DOCK5: variants seen among roughly 807,000 people sequenced by gnomAD.
The protein encoded by DOCK5 is dedicator of cytokinesis protein 5.
Under a neutral mutation model 251.8 loss-of-function variants are expected in DOCK5, and 142 were observed. The observed-to-expected ratio is 0.56, with a 90% CI of 0.49 to 0.65. DOCK5 has a LOEUF of 0.65. DOCK5 is among the 30% of genes least tolerant of loss of function. DOCK5 has a pLI of 0.00. For missense variants in DOCK5, 2,111 were observed against 2,312.3 expected (o/e 0.91, Z 1.79); for synonymous variants, 842 against 835.5 (o/e 1.01, Z -0.13).
At chr8:25,378,367 C>A (rs1801000895) in intron 38 of DOCK5, among the ~76,000 whole-genome samples, 1 of 152,200 alleles carries the variant, frequency 6.6e-6, no homozygotes, top group African/African-American at 2.4e-5. Context: ...TAATATACAA[C>A]AATAACTCAC....
chr8:25,366,768 A>G, intron 30 of DOCK5, 102 bp from the exon 31 acceptor site: 6 of 779,972 alleles, frequency 7.7e-6, no homozygotes, highest in Non-Finnish European at 1.2e-5. Context: ...TTCTTTCATT[A>G]ATCTCTTGTT....
At chr8:25,188,945 G>A (rs986721960) in intron 1 of DOCK5, among the ~76,000 whole-genome samples, 1 of 151,238 alleles carries the variant, frequency 6.6e-6, no homozygotes, top group Non-Finnish European at 1.5e-5. Flanking sequence ...TTATTTTTAA[G>A]TTTGCTTCCA....
At chr8:25,323,801 C>T in intron 16 of DOCK5, 47 bp from the exon 17 acceptor site, 1 of 1,586,544 alleles carries the variant, frequency 6.3e-7, no homozygotes, top group South Asian at 1.1e-5. Context: ...GCCATCGCCT[C>T]CTGGTGTCTC....
rs1801392023 is a variant in DOCK5, at chr8:25,184,934, G to A, written c.26G>A (p.Arg9Lys). The change falls in exon 1 of 52, where the codon AGG becomes AAG. Residue 9 changes from arginine to lysine, a missense_variant. Arg to Lys is a conservative substitution (Grantham distance 26). This residue lies in a region of DOCK5 where 335 missense variants were observed against 324.9 expected (regional missense o/e 1.03). Coordinates refer to ENST00000276440, the MANE Select transcript of DOCK5 (RefSeq NM_024940.8). MARWIPTK[R>K]QKYGVAIYNY... ...ATGGCCCGCTGGATCCCGACCAAGA[G>A]GCAGAAGTACGGGGTTGGTGAGTGC... is the stretch of plus-strand genomic sequence containing the variant. 2 of 1,444,560 alleles carry A rather than the reference G, an allele frequency of 1.4e-6. No individual in the cohort carries two copies. Among genetic ancestry groups the A allele is most frequent in the Non-Finnish European group, 1.8e-6 (2 of 1,089,516 alleles). The allele number at this position is 1,444,560 out of a possible 1,614,324, so 89.5% of individuals were successfully genotyped here.
intron 1 of DOCK5, among the ~76,000 whole-genome samples, chr8:25,221,500 G>A (rs1802388731): frequency 2.0e-5 from 3 of 152,054 alleles, no homozygotes; most frequent in African/African-American, 7.2e-5. Flanking sequence ...GTAGAGAAGG[G>A]GTTTCGCCAA....
intron 50 of DOCK5, 134 bp downstream of exon 50, chr8:25,409,074 T>C: frequency 7.6e-7 from 1 of 1,323,134 alleles, no homozygotes. Flanking sequence ...CGTGTTCGTG[T>C]ATTATACAGT....
At chr8:25,341,714 T>G (rs1270537410) in intron 23 of DOCK5, 25 bp from the exon 24 acceptor site, 2 of 1,557,516 alleles carry the variant, frequency 1.3e-6, no homozygotes, top group South Asian at 2.4e-5. Flanking sequence ...GGCAACTGAA[T>G]TTGCCTTTGG....
At chr8:25,268,107 T>C (rs1266768048) in intron 2 of DOCK5, among the ~76,000 whole-genome samples, 1 of 152,040 alleles carries the variant, frequency 6.6e-6, no homozygotes, top group Non-Finnish European at 1.5e-5. Flanking sequence ...ATGATCCACC[T>C]GCCTCAGCCT....
Position 25,377,311 on chromosome 8 carries a change from G to C in DOCK5, c.3823G>C (p.Asp1275His), listed in dbSNP as rs369716272. The stretch of plus-strand genomic sequence containing the variant: ...CGCTTTTCTTCCTTTTCAGTGGTCT[G>C]ACAAGCCCTGTGTGCCTCATTTGCT... ...LLHAELLQWS[D>H]KPCVPHLLQK... The change falls in exon 38 of 52, where the codon GAC becomes CAC. Residue 1275 changes from aspartate (D) to histidine (H), a missense_variant. By Grantham distance (81) the Asp-to-His change is moderately conservative. Transcript: ENST00000276440. 2 of 1,612,106 alleles carry C rather than the reference G, an allele frequency of 1.2e-6. No individual in the cohort carries two copies. The highest frequency in any genetic ancestry group is 1.1e-5 in the South Asian group (1 of 90,926).
At chr8:25,361,891 AG>A (rs1800688561) in intron 28 of DOCK5, among the ~76,000 whole-genome samples, 1 of 152,214 alleles carries the variant, frequency 6.6e-6, no homozygotes, top group African/African-American at 2.4e-5. Context: ...TACTGTGTCC[AG>A]GCAGAACTGT....
rs1252325575 is a variant in DOCK5 at position 25,210,074 on chromosome 8, GTCTATTTATCTATCTA to G, written c.43+25129_43+25144del. On this transcript the variant is annotated intron_variant, in intron 1 of 51. Coordinates refer to ENST00000276440, the MANE Select transcript of DOCK5 (RefSeq NM_024940.8). ...TGTGTGTGTGTGTGTGTGTGTATCT[GTCTATTTATCTATCTA>G]TCTATCTATCTATCTATCTATCTAT... 6.3e-3 allele frequency among the ~76,000 whole-genome samples: 131 copies of G among 20,760 alleles called. 29 individuals carry two copies. The highest frequency in any genetic ancestry group is 0.014 in the African/African-American group (117 of 8,428). 13.6% of individuals were successfully genotyped at this position (20,760 alleles called of 152,430 possible).
In DOCK5 at chr8:25,375,675, T is replaced by C; in HGVS notation, c.3816+1021T>C. The C allele has an allele frequency of 3.1e-6, 3 of 982,276 alleles. No individual in the cohort carries two copies. The South Asian group carries it at 1.4e-4, about 46-fold the overall frequency. The allele number at this position is 982,276 out of a possible 1,614,324, so 60.8% of individuals were successfully genotyped here. On this transcript the variant is annotated intron_variant, in intron 37 of 51. Transcript: ENST00000276440. Reference sequence around the variant, plus strand: ...CTCAGCTATTAATATTCTTTTACAGTTTATATTTTATACTAAAGTAATATA... The same window carrying C: ...CTCAGCTATTAATATTCTTTTACAGCTTATATTTTATACTAAAGTAATATA...
In DOCK5 at chr8:25,296,607, G is replaced by C. The variant is rs779064994; in HGVS notation, c.565G>C (p.Val189Leu). The change falls in exon 7 of 52, where the codon GTG becomes CTG. Residue 189 changes from valine (V) to leucine (L), a missense_variant. Val to Leu is a conservative substitution (Grantham distance 32, BLOSUM62 1). This residue lies in a region of DOCK5 where 335 missense variants were observed against 324.9 expected (regional missense o/e 1.03). Coordinates refer to ENST00000276440, the MANE Select transcript of DOCK5 (RefSeq NM_024940.8). ...STIALFKAHE[V>L]ASKRIEEKIQ... Reference sequence around the variant, plus strand: ...CATTGCCCTCTTCAAGGCCCATGAGGTGGCCTCCAAAAGGATTGAGGAAAA... The same window carrying C: ...CATTGCCCTCTTCAAGGCCCATGAGCTGGCCTCCAAAAGGATTGAGGAAAA... 17 of 1,612,606 alleles carry C rather than the reference G, an allele frequency of 1.1e-5. No individual in the cohort carries two copies. Among genetic ancestry groups the C allele is most frequent in the Non-Finnish European group, 1.4e-5 (17 of 1,179,356 alleles).
intron 1 of DOCK5, among the ~76,000 whole-genome samples, chr8:25,189,169 C>T (rs1224784552): frequency 6.6e-6 from 1 of 151,408 alleles, no homozygotes; most frequent in Admixed American, 6.6e-5. Context: ...TGCAGGTGTG[C>T]ACCACCATGC....
At chr8:25,277,989 C>G (rs1056273812) in intron 4 of DOCK5, among the ~76,000 whole-genome samples, 2 of 152,024 alleles carry the variant, frequency 1.3e-5, no homozygotes, top group Non-Finnish European at 2.9e-5. Flanking sequence ...TAGTACCTAC[C>G]TTTATGAGAG....
chr8:25,255,581 T>C (rs1476884844), intron 2 of DOCK5, among the ~76,000 whole-genome samples: 1 of 152,184 alleles, frequency 6.6e-6, no homozygotes, highest in Admixed American at 6.5e-5. Flanking sequence ...AAATCTACTC[T>C]GTATGATACT....
chr8:25,329,764 G>A (rs775538633), intron 18 of DOCK5, among the ~76,000 whole-genome samples: 4 of 152,048 alleles, frequency 2.6e-5, no homozygotes, highest in South Asian at 2.1e-4. Context: ...GACAACCCAC[G>A]TGTTTATCAG....
intron 4 of DOCK5, among the ~76,000 whole-genome samples, chr8:25,276,479 C>A (rs1804044468): frequency 1.3e-5 from 2 of 151,946 alleles, no homozygotes. Context: ...GATGGTGAGT[C>A]TCTGGACAGG....
At chr8:25,345,389 C>T in intron 25 of DOCK5, 86 bp from the exon 26 acceptor site, 1 of 1,557,752 alleles carries the variant, frequency 6.4e-7, no homozygotes, top group Non-Finnish European at 8.7e-7. Flanking sequence ...GCTACTGGTA[C>T]TGGTCGAGGA....
Sources: allele counts gnomAD v4.1 joint callset (sites outside exome capture counted in the v4.1 genomes callset), GRCh38; gene constraint gnomAD v4.1.1; regional missense constraint gnomAD v4.1.1; transcripts MANE v1.5; gene names NCBI Gene and HGNC (gene_info 2026-07-23, HGNC 2026-07-21).